PIP4K2A: variants seen among roughly 807,000 people sequenced by gnomAD.
PIP4K2A encodes phosphatidylinositol-5-phosphate 4-kinase type 2 alpha.
Under a neutral mutation model 42.9 loss-of-function variants are expected in PIP4K2A, and 14 were observed. That is an observed-to-expected ratio of 0.33 (90% CI 0.22 to 0.51). The LOEUF (loss-of-function observed/expected upper bound fraction) is 0.51. PIP4K2A is among the 20% of genes least tolerant of loss of function. PIP4K2A has a pLI of 0.97. For synonymous variants in PIP4K2A, 192 were observed against 192.2 expected, an observed-to-expected ratio of 1.00 and a Z score of 0.01; for missense variants, 434 against 519.8, an observed-to-expected ratio of 0.83 and a Z score of 1.61.
At chr10:22,685,938 A>T (rs1242513514) in intron 1 of PIP4K2A, among the ~76,000 whole-genome samples, 1 of 152,132 alleles carries the variant, frequency 6.6e-6, no homozygotes, top group African/African-American at 2.4e-5. Context: ...ACAGTTCTCT[A>T]ATTTACTTTT....
chr10:22,652,389 G>T (rs546812734), intron 1 of PIP4K2A, among the ~76,000 whole-genome samples: 2 of 152,256 alleles, frequency 1.3e-5, no homozygotes, highest in African/African-American at 4.8e-5. Context: ...CCAAAGTACA[G>T]GGATTACAAG....
At chr10:22,623,340 T>C (rs957138721) in intron 1 of PIP4K2A, among the ~76,000 whole-genome samples, 1 of 152,072 alleles carries the variant, frequency 6.6e-6, no homozygotes, top group Non-Finnish European at 1.5e-5. Flanking sequence ...TTCATAGTAA[T>C]GATGGAGAGA....
At chr10:22,586,378 C>T (rs759140580) in intron 4 of PIP4K2A, among the ~76,000 whole-genome samples, 19 of 152,190 alleles carry the variant, frequency 1.2e-4, no homozygotes, top group Middle Eastern at 3.2e-3. Flanking sequence ...AATTCTGCAT[C>T]AGTGCCACAG....
rs553188798 is a variant in PIP4K2A, at chr10:22,567,690, T to C, written c.678+161A>G. On this transcript the variant is annotated intron_variant, in intron 6 of 9. Transcript: ENST00000376573. The stretch of plus-strand genomic sequence containing the variant: ...TTGATGAAGAGAAATGAAGTAGAAC[T>C]CTCATCGGGTCAATACAGTGTTTCT... 3 of 774,468 alleles carry C rather than the reference T, an allele frequency of 3.9e-6. No homozygotes were observed. In the African/African-American group the frequency reaches 5.1e-5, roughly 13 times the overall value. The allele number at this position is 774,468 out of a possible 1,614,324, so 48.0% of individuals were successfully genotyped here.
intron 6 of PIP4K2A, among the ~76,000 whole-genome samples, chr10:22,563,924 C>T (rs561093132): frequency 4.2e-4 from 64 of 152,158 alleles, no homozygotes; most frequent in Admixed American, 1.6e-3. Context: ...AAGCCTACCC[C>T]CTAGGGAGAT....
In PIP4K2A at chr10:22,714,203, T is replaced by G. The variant is rs368082907; in HGVS notation, c.124A>C (p.Met42Leu). 3 of 1,610,840 alleles carry G rather than the reference T, an allele frequency of 1.9e-6. No homozygotes were observed. The highest frequency in any genetic ancestry group is 1.7e-6 in the Non-Finnish European group (2 of 1,178,278). The part of the protein sequence containing the change: ...RASDPLLSVL[M>L]WGVNHSINEL... ...CTTACCGAGTGGTTTACCCCCCACA[T>G]GAGGACGCTGAGCAGCGGGTCGCTG... Residue 42 changes from methionine to leucine, a missense_variant, in exon 1 of 10, where the codon ATG becomes CTG. By Grantham distance (15) the Met-to-Leu change is conservative. Coordinates refer to ENST00000376573, the MANE Select transcript of PIP4K2A (RefSeq NM_005028.5).
At chr10:22,539,211 G>T (rs2130735754) in intron 9 of PIP4K2A, among the ~76,000 whole-genome samples, 1 of 152,278 alleles carries the variant, frequency 6.6e-6, no homozygotes. Flanking sequence ...GGGTCCGGGG[G>T]AGGAATCTCA....
chr10:22,559,012 A>G (rs1055391744), intron 6 of PIP4K2A, among the ~76,000 whole-genome samples: 2 of 152,182 alleles, frequency 1.3e-5, no homozygotes, highest in East Asian at 1.9e-4. Flanking sequence ...ACAAACTGGG[A>G]TATGACAGCT....
At chr10:22,545,184 T>C (rs1471547174) in intron 7 of PIP4K2A, among the ~76,000 whole-genome samples, 1 of 152,204 alleles carries the variant, frequency 6.6e-6, no homozygotes, top group Non-Finnish European at 1.5e-5. Flanking sequence ...CCCAACCTGC[T>C]TCCAGCAGGA....
intron 4 of PIP4K2A, among the ~76,000 whole-genome samples, chr10:22,587,482 A>G (rs113855118): frequency 5.7e-4 from 87 of 152,382 alleles, no homozygotes; most frequent in Middle Eastern, 3.4e-3. Context: ...TTTCTTAGAT[A>G]CAAACCCTAA....
chr10:22,685,904 G>A (rs1442455834), intron 1 of PIP4K2A, among the ~76,000 whole-genome samples: 1 of 152,158 alleles, frequency 6.6e-6, no homozygotes, highest in Non-Finnish European at 1.5e-5. Context: ...TACCTATTTT[G>A]TTGTTTGTAA....
chr10:22,546,153 C>T (rs1293915323), intron 7 of PIP4K2A, among the ~76,000 whole-genome samples: 1 of 152,200 alleles, frequency 6.6e-6, no homozygotes, highest in African/African-American at 2.4e-5. Context: ...CCTGGATCTT[C>T]AGTCATTCTG....
At chr10:22,706,844 G>A (rs1833832738) in intron 1 of PIP4K2A, among the ~76,000 whole-genome samples, 1 of 152,136 alleles carries the variant, frequency 6.6e-6, no homozygotes, top group Non-Finnish European at 1.5e-5. Flanking sequence ...GGGCACAAGG[G>A]TAATTCTAAA....
rs113780060 is a variant in PIP4K2A at position 22,698,661 on chromosome 10, A to G, written c.144+15522T>C. ...ACCACAATTACTTTTGCACCAACCTAATTATTAAGCAGTGATCAAAAATTT... is the reference window on the plus strand; with the variant it reads ...ACCACAATTACTTTTGCACCAACCTGATTATTAAGCAGTGATCAAAAATTT... On this transcript the variant is annotated intron_variant, in intron 1 of 9. Coordinates refer to ENST00000376573, the MANE Select transcript of PIP4K2A (RefSeq NM_005028.5). Among the ~76,000 whole-genome samples, 331 of 152,366 alleles carry G rather than the reference A, an allele frequency of 2.2e-3. 1 individual carries two copies. The highest frequency in any genetic ancestry group is 7.4e-3 in the African/African-American group (308 of 41,594).
At chr10:22,565,618 T>C (rs12254393) in intron 6 of PIP4K2A, among the ~76,000 whole-genome samples, 3,037 of 152,208 alleles carry the variant, frequency 0.02, 74 homozygotes, top group African/African-American at 0.068. Context: ...TTTGAACAAA[T>C]ACGAAATCTG....
chr10:22,592,798 C>T (rs1026758046), intron 3 of PIP4K2A, among the ~76,000 whole-genome samples: 2 of 152,194 alleles, frequency 1.3e-5, no homozygotes, highest in Non-Finnish European at 2.9e-5. Flanking sequence ...CCATCCTTGC[C>T]GACTGCTCCT....
chr10:22,569,130 C>A (rs1836919760), intron 5 of PIP4K2A: 3 of 1,068,266 alleles, frequency 2.8e-6, no homozygotes, highest in East Asian at 5.2e-5. Context: ...GAGCTTCCTG[C>A]AATTCACAGA....
intron 4 of PIP4K2A, among the ~76,000 whole-genome samples, chr10:22,588,646 A>C (rs1454511090): frequency 6.6e-6 from 1 of 152,220 alleles, no homozygotes; most frequent in Non-Finnish European, 1.5e-5. Context: ...TAAATGAATG[A>C]ATGAATGAAA....
intron 3 of PIP4K2A, among the ~76,000 whole-genome samples, chr10:22,603,904 A>G (rs1416692641): frequency 1.3e-5 from 2 of 152,192 alleles, no homozygotes; most frequent in African/African-American, 4.8e-5. Flanking sequence ...AACCCTGAGC[A>G]TATTACAAAC....
Sources: gnomAD v4.1 joint callset for allele counts (sites outside exome capture counted in the v4.1 genomes callset) on GRCh38, gnomAD v4.1.1 for gene constraint, MANE v1.5 for transcripts, NCBI Gene and HGNC (gene_info 2026-07-23, HGNC 2026-07-21) for gene names.